Variants in PCDHA9 observed in about 807,000 individuals in gnomAD.
The protein encoded by PCDHA9 is protocadherin alpha 9, also known as protocadherin alpha-9.
In PCDHA9, 62 loss-of-function variants were observed where a neutral mutation model predicts 62.0. The ratio of observed to expected loss-of-function variants is 1.00; its 90% confidence interval spans 0.81 to 1.23. PCDHA9 has a LOEUF of 1.23. Ranked by LOEUF, PCDHA9 falls within the 50% of genes most tolerant of loss-of-function variation. The pLI, the probability that PCDHA9 is intolerant of heterozygous loss-of-function variation, is 0.00. For missense variants in PCDHA9, 1,205 were observed against 1,249.8 expected, an observed-to-expected ratio of 0.96 and a Z score of 0.54; for synonymous variants, 557 against 567.6, an observed-to-expected ratio of 0.98 and a Z score of 0.27.
Position 140,853,023 on chromosome 5 carries a change from C to T in PCDHA9, c.2394+2134C>T, listed in dbSNP as rs1239749008. On this transcript the variant is annotated intron_variant, in intron 1 of 3. Transcript: ENST00000532602. ...CCTCCCGAGTAGCTGGGACTACAGG[C>T]GCCTGCCACCATGCCCGCCTAATTT... 6 of 257,856 alleles carry T rather than the reference C, an allele frequency of 2.3e-5. 1 individual carries two copies. The highest frequency in any genetic ancestry group is 1.2e-4 in the African/African-American group (5 of 42,466). 16.0% of individuals were successfully genotyped at this position (257,856 alleles called of 1,614,324 possible). A position where few individuals can be genotyped will look rare whatever the true frequency, so the allele number is the denominator to read the frequency against.
chr5:140,859,882 T>C (rs2046069596), intron 1 of PCDHA9: 1 of 152,016 alleles, frequency 6.6e-6, no homozygotes, highest in Admixed American at 6.6e-5. Context: ...CTCTGATATT[T>C]TGAAAAAAAA....
intron 1 of PCDHA9, chr5:140,966,972 T>A (rs1554229007): frequency 6.2e-7 from 1 of 1,602,946 alleles, no homozygotes; most frequent in Non-Finnish European, 8.5e-7. Flanking sequence ...GGGCTTGAGC[T>A]GCGGCGCTTG....
chr5:140,860,034 A>G (rs1356064800), intron 1 of PCDHA9: 3 of 150,432 alleles, frequency 2.0e-5, no homozygotes, highest in Non-Finnish European at 3.0e-5. Context: ...CACACCTGTA[A>G]TCCCAGCATT....
chr5:140,928,426 T>G (rs1563104997), intron 1 of PCDHA9: 2 of 1,614,134 alleles, frequency 1.2e-6, no homozygotes, highest in Non-Finnish European at 1.7e-6. Context: ...TGCCAAAACT[T>G]CCTTTGACTT....
At chr5:140,859,014 A>G (rs983768098) in intron 1 of PCDHA9, 1 of 151,370 alleles carries the variant, frequency 6.6e-6, no homozygotes, top group Non-Finnish European at 1.5e-5. Flanking sequence ...AATCTTAGCA[A>G]TTAAGTTAAA....
rs1440009442 is a variant in PCDHA9, at chr5:140,964,448, A to G, written c.2395-14501A>G. Among the ~76,000 whole-genome samples the G allele has an allele frequency of 3.3e-5, 5 of 152,212 alleles. No homozygotes were observed. The South Asian group carries it at 8.3e-4, about 25-fold the overall frequency. On this transcript the variant is annotated intron_variant, in intron 1 of 3. Transcript: ENST00000532602. ...AAAATTACCAAGCCTCTGCCACTGT[A>G]ATCTCTTCCTTAAGTGCCTATGATT...
At chr5:140,895,038 C>G (rs1554186328) in intron 1 of PCDHA9, among the ~76,000 whole-genome samples, 1 of 152,104 alleles carries the variant, frequency 6.6e-6, no homozygotes, top group African/African-American at 2.4e-5. Context: ...TGTCCCCCAC[C>G]CACACCATTC....
chr5:140,906,804 C>T (rs1254520665), intron 1 of PCDHA9, among the ~76,000 whole-genome samples: 3 of 152,224 alleles, frequency 2.0e-5, no homozygotes, highest in Non-Finnish European at 4.4e-5. Context: ...CATACTCTTC[C>T]TTACCTCCAC....
chr5:140,943,057 G>A (rs907618778), intron 1 of PCDHA9, among the ~76,000 whole-genome samples: 2 of 151,996 alleles, frequency 1.3e-5, no homozygotes, highest in African/African-American at 4.8e-5. Context: ...AGGAGTTCAA[G>A]AACAGCCTGA....
intron 1 of PCDHA9, among the ~76,000 whole-genome samples, chr5:140,855,588 A>G (rs924591016): frequency 6.7e-6 from 1 of 149,870 alleles, no homozygotes; most frequent in Non-Finnish European, 1.5e-5. Flanking sequence ...AAATATTAGT[A>G]TACTCAGTAG....
chr5:140,856,905 C>T, intron 1 of PCDHA9: 1 of 1,595,990 alleles, frequency 6.3e-7, no homozygotes. Context: ...TTGGTCCCAC[C>T]CACGATAAGA....
At position 141,005,925 on chromosome 5, in the gene PCDHA9, T is replaced by C. The variant is rs368127914; in HGVS notation, c.2543-3702T>C. On this transcript the variant is annotated intron_variant, in intron 3 of 3. Transcript: ENST00000532602. ...TTGCACCACTGCACTTCAGCCTGGT[T>C]GACAGAGTGAGAACCTATCTCTAAC... 4.1e-4 allele frequency among the ~76,000 whole-genome samples: 62 copies of C among 151,990 alleles called. 1 individual carries two copies. The highest frequency in any genetic ancestry group is 1.4e-3 in the African/African-American group (59 of 41,476).
intron 1 of PCDHA9, among the ~76,000 whole-genome samples, chr5:140,975,935 C>T (rs1351802479): frequency 6.6e-6 from 1 of 152,060 alleles, no homozygotes; most frequent in East Asian, 1.9e-4. Flanking sequence ...ACCTTTGAAG[C>T]AATAGGACAT....
At chr5:140,858,082 G>T (rs1554151130) in intron 1 of PCDHA9, 2 of 1,597,718 alleles carry the variant, frequency 1.3e-6, no homozygotes, top group East Asian at 2.2e-5. Flanking sequence ...CCAAGGCCTC[G>T]TCGCGGGCTT....
intron 1 of PCDHA9, among the ~76,000 whole-genome samples, chr5:140,900,835 C>A (rs1023887892): frequency 1.3e-5 from 2 of 152,150 alleles, no homozygotes; most frequent in African/African-American, 4.8e-5. Flanking sequence ...CAACAATGTA[C>A]AAAGTTTCCC....
Position 141,005,651 on chromosome 5 carries a change from G to A in PCDHA9, c.2543-3976G>A, listed in dbSNP as rs1554260215. ...CGGGAGGCGGAGCTTGCAGTGAGTC[G>A]AGATCGCGCCACTGCACTCCAGCCT... On this transcript the variant is annotated intron_variant, in intron 3 of 3. Coordinates refer to ENST00000532602, the MANE Select transcript of PCDHA9 (RefSeq NM_031857.2). Among the ~76,000 whole-genome samples, 4 of 131,238 alleles carry A rather than the reference G, an allele frequency of 3.0e-5. No homozygotes were observed. In the East Asian group the frequency reaches 7.0e-4, roughly 23 times the overall value. The allele number at this position is 131,238 out of a possible 152,430, so 86.1% of individuals were successfully genotyped here.
chr5:141,004,178 T>G (rs527276653), intron 3 of PCDHA9, among the ~76,000 whole-genome samples: 2 of 152,372 alleles, frequency 1.3e-5, no homozygotes, highest in South Asian at 2.1e-4. Flanking sequence ...CCAAGTGTCT[T>G]GAGTGCTCTT....
intron 1 of PCDHA9, chr5:140,870,941 C>CGGCG (rs782621545): frequency 1.2e-6 from 2 of 1,613,594 alleles, no homozygotes; most frequent in Non-Finnish European, 1.7e-6. Context: ...TTGCAGCCGG[C>CGGCG]GGCGGGCGGC....
intron 3 of PCDHA9, among the ~76,000 whole-genome samples, chr5:140,996,315 G>A (rs2097722113): frequency 6.6e-6 from 1 of 152,188 alleles, no homozygotes; most frequent in African/African-American, 2.4e-5. Flanking sequence ...AGTAAGGGGG[G>A]AGGGTAGAGA....
Sources: allele counts gnomAD v4.1 joint callset (sites outside exome capture counted in the v4.1 genomes callset), GRCh38; gene constraint gnomAD v4.1.1; transcripts MANE v1.5; gene names NCBI Gene and HGNC (gene_info 2026-07-23, HGNC 2026-07-21).